CD84: variants seen among roughly 807,000 people sequenced by gnomAD.
CD84 encodes SLAM family member 5.
Under a neutral mutation model 33.8 loss-of-function variants are expected in CD84, and 22 were observed. The observed-to-expected ratio is 0.65, with a 90% CI of 0.46 to 0.93. CD84 has a LOEUF of 0.93. Among genes scored for constraint, CD84 ranks in the 40% least tolerant of loss-of-function variants. The pLI is 0.00. For synonymous variants in CD84, 154 were observed against 145.2 expected (o/e 1.06, Z -0.44); for missense variants, 400 against 397.6 (o/e 1.01, Z -0.05).
intron 2 of CD84, among the ~76,000 whole-genome samples, chr1:160,558,011 C>G (rs542404029): frequency 1.6e-4 from 24 of 152,316 alleles, no homozygotes; most frequent in Non-Finnish European, 3.2e-4. Flanking sequence ...TGGGGAGGGG[C>G]GGCCACCATT....
At position 160,541,689 on chromosome 1, in the gene CD84, A is replaced by G. The variant is rs1655549795; in HGVS notation, c.*6567T>C. The stretch of plus-strand genomic sequence containing the variant: ...GAGGATTTGGTGGGTGTGTGGGCCC[A>G]TGATAATTCTGTGTGGCTGGAGCCT... On this transcript the variant is annotated 3_prime_UTR_variant, in exon 7 of 7. Coordinates refer to ENST00000368054, the MANE Select transcript of CD84 (RefSeq NM_003874.4). 6.6e-6 allele frequency: 1 copy of G among 152,260 alleles called. No individual in the cohort carries two copies. The highest frequency in any genetic ancestry group is 1.5e-5 in the Non-Finnish European group (1 of 68,092). The allele number at this position is 152,260 out of a possible 1,614,324, so 9.4% of individuals were successfully genotyped here. A position where few individuals can be genotyped will look rare whatever the true frequency, so the allele number is the denominator to read the frequency against.
Position 160,550,689 on chromosome 1 carries a change from C to T in CD84, c.858+249G>A, listed in dbSNP as rs888857823. On this transcript the variant is annotated intron_variant, in intron 5 of 6. Transcript: ENST00000368054. Reference sequence around the variant, plus strand: ...TAGTCATGGCTCATCTAACCTGGAGCCGGGCCCACTGTGGGACACTCAGTG... The same window carrying T: ...TAGTCATGGCTCATCTAACCTGGAGTCGGGCCCACTGTGGGACACTCAGTG... 19 of 985,220 alleles carry T rather than the reference C, an allele frequency of 1.9e-5. No homozygotes were observed. In the South Asian group the frequency reaches 8.9e-4, roughly 46 times the overall value. 61.0% of individuals were successfully genotyped at this position (985,220 alleles called of 1,614,324 possible).
chr1:160,547,248 GGA>G lies in CD84; in HGVS notation c.*1006_*1007del. ...CACCATCATCTCCCAAGTTCCTTCT[GGA>G]GAATGACTCTGCTTCTTGCAAGGTC... On this transcript the variant is annotated 3_prime_UTR_variant, in exon 7 of 7. Coordinates refer to ENST00000368054, the MANE Select transcript of CD84 (RefSeq NM_003874.4). The G allele has an allele frequency of 2.5e-6, 1 of 398,580 alleles. No individual in the cohort carries two copies. Among genetic ancestry groups the G allele is most frequent in the Non-Finnish European group, 4.4e-6 (1 of 226,040 alleles). 24.7% of individuals were successfully genotyped at this position (398,580 alleles called of 1,614,324 possible).
chr1:160,571,668 C>T (rs349249), intron 1 of CD84, among the ~76,000 whole-genome samples: 71,121 of 151,664 alleles, frequency 0.47, 19,260 homozygotes, highest in African/African-American at 0.75. Flanking sequence ...AGACTGGGGG[C>T]TGGGGGGGAG....
chr1:160,554,767 T>C (rs1020816226), intron 2 of CD84, among the ~76,000 whole-genome samples: 1 of 152,222 alleles, frequency 6.6e-6, no homozygotes, highest in African/African-American at 2.4e-5. Flanking sequence ...CCGATGTTTG[T>C]GTTGGAACTA....
chr1:160,578,179 C>T (rs554678502), intron 1 of CD84, among the ~76,000 whole-genome samples: 8 of 152,228 alleles, frequency 5.3e-5, no homozygotes, highest in African/African-American at 1.2e-4. Flanking sequence ...GGATTAATAA[C>T]GTCTATCTTG....
chr1:160,556,767 T>C (rs1376035261), intron 2 of CD84, among the ~76,000 whole-genome samples: 1 of 152,260 alleles, frequency 6.6e-6, no homozygotes, highest in East Asian at 1.9e-4. Flanking sequence ...AGTACAGCTT[T>C]CTCTAAGATA....
intron 2 of CD84, among the ~76,000 whole-genome samples, chr1:160,561,132 A>G (rs950085842): frequency 2.6e-5 from 4 of 152,180 alleles, no homozygotes; most frequent in Non-Finnish European, 4.4e-5. Flanking sequence ...ATTCCAAAAA[A>G]TTGAAAAGGA....
At chr1:160,553,621 T>C (rs1039435662) in intron 3 of CD84, 124 bp from the exon 4 acceptor site, 43 of 1,187,598 alleles carry the variant, frequency 3.6e-5, no homozygotes, top group Non-Finnish European at 4.7e-5. Context: ...CCAAAGCTCC[T>C]AGGGAAACTA....
Position 160,547,689 on chromosome 1 carries a change from CG to C in CD84, c.*566del, listed in dbSNP as rs1557966714. 6.3e-6 allele frequency: 1 copy of C among 158,962 alleles called. No individual in the cohort carries two copies. 9.8% of individuals were successfully genotyped at this position (158,962 alleles called of 1,614,324 possible). On this transcript the variant is annotated 3_prime_UTR_variant, in exon 7 of 7. Coordinates refer to ENST00000368054, the MANE Select transcript of CD84 (RefSeq NM_003874.4). Reference sequence around the variant, plus strand: ...CATTCTGCTCTCCAAGCCATGCACTCGGGGGAAGGGCTGCATCTGCCTCAAG... The same window carrying C: ...CATTCTGCTCTCCAAGCCATGCACTCGGGGAAGGGCTGCATCTGCCTCAAG...
intron 2 of CD84, among the ~76,000 whole-genome samples, chr1:160,562,357 G>A (rs566076346): frequency 4.6e-5 from 7 of 152,042 alleles, no homozygotes; most frequent in African/African-American, 7.2e-5. Context: ...AAAACAGCAC[G>A]GCACTGGTAC....
intron 1 of CD84, among the ~76,000 whole-genome samples, chr1:160,570,148 G>A (rs556831094): frequency 2.8e-4 from 42 of 152,182 alleles, no homozygotes; most frequent in Admixed American, 1.4e-3. Flanking sequence ...AAATAAAGAG[G>A]CATCTGCTAG....
chr1:160,565,404 G>T lies in CD84; in HGVS notation c.388C>A (p.Arg130Ser), dbSNP rs766261094. 1.3e-6 allele frequency: 2 copies of T among 1,589,338 alleles called. No individual in the cohort carries two copies. Among genetic ancestry groups the T allele is most frequent in the South Asian group, 1.1e-5 (1 of 87,706 alleles). The change falls in exon 2 of 7, where the codon CGT becomes AGT. Residue 130 changes from arginine (R) to serine (S), a missense_variant and splice_region_variant. Physicochemically the swap from Arg to Ser is moderately radical, Grantham distance 110. Transcript: ENST00000368054. ...TTKRYNLQIY[R>S]RLGKPKITQS... is the part of the protein sequence containing the mutation. ...AGCTCTCCGTCTTCCCATGACTTAC[G>T]ATAGATTTGCAGGTTGTAGCGCTTG...
rs1553230403 is a variant in CD84 at position 160,543,602 on chromosome 1, T to TTTTTTATTATTATTA, written c.*4653_*4654insTAATAATAATAAAAA. 3 of 142,702 alleles carry TTTTTTATTATTATTA rather than the reference T, an allele frequency of 2.1e-5. No individual in the cohort carries two copies. Among genetic ancestry groups the TTTTTTATTATTATTA allele is most frequent in the African/African-American group, 7.7e-5 (3 of 38,740 alleles). 8.8% of individuals were successfully genotyped at this position (142,702 alleles called of 1,614,324 possible). The stretch of plus-strand genomic sequence containing the variant: ...ATCTTCAAGGAGCTCTCCATTATTA[T>TTTTTTATTATTATTA]TTATTATTATTATTATTATTATTAT... On this transcript the variant is annotated 3_prime_UTR_variant, in exon 7 of 7. Coordinates refer to ENST00000368054, the MANE Select transcript of CD84 (RefSeq NM_003874.4).
chr1:160,572,277 G>A (rs79674387), intron 1 of CD84, among the ~76,000 whole-genome samples: 5,731 of 152,270 alleles, frequency 0.038, 182 homozygotes, highest in African/African-American at 0.076. Flanking sequence ...ATGGAAGATA[G>A]TCATTCTTGG....
In CD84 at chr1:160,554,020, C is replaced by T. The variant is rs751967618; in HGVS notation, c.515G>A (p.Gly172Glu). The T allele has an allele frequency of 8.1e-6, 13 of 1,614,108 alleles. No individual in the cohort carries two copies. The highest frequency in any genetic ancestry group is 5.0e-5 in the Admixed American group (3 of 60,008). ...GATTTGAAGGACATTACCCTCTTCTCCCAGGGGACTCCAATTGTATGTCAC... is the reference window on the plus strand; with the variant it reads ...GATTTGAAGGACATTACCCTCTTCTTCCAGGGGACTCCAATTGTATGTCAC... ...KNVTYNWSPL[G>E]EEGNVLQIFQ... Residue 172 changes from glycine to glutamate, a missense_variant, in exon 3 of 7, where the codon GGA (glycine) becomes GAA (glutamate). By Grantham distance (98) the Gly-to-Glu change is moderately conservative. Transcript: ENST00000368054.
rs949572473 is a variant in CD84 at position 160,565,652 on chromosome 1, C to T, written c.140G>A (p.Arg47Gln). Reference protein sequence around the residue: ...VTFPVNIQEPRQVKIIAWTSK... With the variant: ...VTFPVNIQEPQQVKIIAWTSK... ...AGTCCAAGCAATGATTTTAACTTGC[C>T]GTGGTTCTTGGATATTTACAGGGAA... Residue 47 changes from arginine (R) to glutamine (Q), a missense_variant, in exon 2 of 7, where the codon CGG becomes CAG. Arg to Gln is a conservative substitution (Grantham distance 43). Coordinates refer to ENST00000368054, the MANE Select transcript of CD84 (RefSeq NM_003874.4). The T allele has an allele frequency of 5.0e-6, 8 of 1,613,880 alleles. No homozygotes were observed. Among genetic ancestry groups the T allele is most frequent in the East Asian group, 4.5e-5 (2 of 44,864 alleles).
chr1:160,553,201 T>A, intron 4 of CD84, 177 bp downstream of exon 4: 3 of 1,028,422 alleles, frequency 2.9e-6, no homozygotes, highest in Non-Finnish European at 4.4e-6. Flanking sequence ...TGAAGACCAT[T>A]CAGGGTAATG....
At chr1:160,550,886 C>T in intron 5 of CD84, 52 bp downstream of exon 5, 1 of 1,601,998 alleles carries the variant, frequency 6.2e-7, no homozygotes, top group African/African-American at 1.3e-5. Flanking sequence ...GCCCATGACT[C>T]CCTGTCATGG....
Sources: allele counts gnomAD v4.1 joint callset (sites outside exome capture counted in the v4.1 genomes callset), GRCh38; gene constraint gnomAD v4.1.1; transcripts MANE v1.5; gene names NCBI Gene and HGNC (gene_info 2026-07-23, HGNC 2026-07-21).